Variants in ZNF44 observed in about 807,000 individuals in gnomAD.
ZNF44 encodes zinc finger protein 44, also known as gonadotropin inducible transcription repressor-2.
Under a neutral mutation model 11.7 loss-of-function variants are expected in ZNF44, and 9 were observed. The ratio of observed to expected loss-of-function variants is 0.77; its 90% CI spans 0.46 to 1.35. The LOEUF (loss-of-function observed/expected upper bound fraction) is 1.35. ZNF44 is among the 40% of genes most tolerant of loss of function. The pLI, the probability that ZNF44 is intolerant of heterozygous loss-of-function variation, is 0.00. For missense variants in ZNF44, 696 were observed against 743.1 expected, an observed-to-expected ratio of 0.94 and a Z score of 0.74; for synonymous variants, 224 against 242.7, an observed-to-expected ratio of 0.92 and a Z score of 0.72.
intron 1 of ZNF44, 106 bp downstream of exon 1, chr19:12,294,586 G>A (rs1314505758): frequency 4.1e-6 from 6 of 1,467,324 alleles, no homozygotes; most frequent in Non-Finnish European, 5.5e-6. Flanking sequence ...TCAGGTCCCA[G>A]ACCCCAAAGA....
chr19:12,273,861 C>T lies in ZNF44; in HGVS notation c.394G>A (p.Glu132Lys), dbSNP rs933824168. 1.7e-5 allele frequency: 27 copies of T among 1,614,028 alleles called. No individual in the cohort carries two copies. The African/African-American group carries it at 2.8e-4, about 17-fold the overall frequency. Residue 132 changes from glutamate to lysine, a missense_variant, in exon 4 of 4, where the codon GAG becomes AAG. Glu to Lys is a moderately conservative substitution (Grantham distance 56). Transcript: ENST00000355684. Reference sequence around the variant, plus strand: ...GACTTCTCTGCATATTCATGACACTCCCGGTGTTTGTGTCCAGTATCAACT... The same window carrying T: ...GACTTCTCTGCATATTCATGACACTTCCGGTGTTTGTGTCCAGTATCAACT... ...IRVDTGHKHR[E>K]CHEYAEKSYT...
At chr19:12,275,180 C>A in intron 2 of ZNF44, 147 bp from the exon 3 acceptor site, 1 of 497,796 alleles carries the variant, frequency 2.0e-6, no homozygotes, top group Non-Finnish European at 3.4e-6. Flanking sequence ...CTGCACAAGT[C>A]CATTTATATA....
At chr19:12,252,065 AAC>A (rs1555736786) in intron 5 of ZNF44, among the ~76,000 whole-genome samples, 3 of 152,076 alleles carry the variant, frequency 2.0e-5, no homozygotes, top group Admixed American at 1.3e-4. Flanking sequence ...AAAAAAAAAA[AAC>A]AGATTTGCAA....
downstream of ZNF44, among the ~76,000 whole-genome samples, chr19:12,270,426 A>G (rs992947780): frequency 2.0e-5 from 3 of 151,648 alleles, no homozygotes; most frequent in African/African-American, 7.3e-5. Flanking sequence ...CATCAAGCAG[A>G]TTAAGGCAAT....
intron 1 of ZNF44, among the ~76,000 whole-genome samples, chr19:12,278,987 C>A (rs923406287): frequency 1.3e-5 from 2 of 152,110 alleles, no homozygotes; most frequent in African/African-American, 4.8e-5. Context: ...TCAAAGAATG[C>A]CCCAGCAGAG....
downstream of ZNF44, chr19:12,242,918 A>C (rs966273283): frequency 1.3e-5 from 2 of 152,170 alleles, no homozygotes; most frequent in Admixed American, 1.3e-4. Context: ...GCCTGGTATA[A>C]AATATGCACT....
intron 5 of ZNF44, among the ~76,000 whole-genome samples, chr19:12,263,018 C>T (rs1015236337): frequency 6.6e-6 from 1 of 152,248 alleles, no homozygotes; most frequent in Admixed American, 6.5e-5. Context: ...GGTGTAACAC[C>T]TAGAGTAGTT....
rs372194020 is a variant in ZNF44, at chr19:12,248,896, CT to C, written c.*187-219del. The stretch of plus-strand genomic sequence containing the variant: ...CAGTGATTTTCATATATGGGTTTCT[CT>C]TTTTTTTTTTTTTTGAGACGGAGTC... On this transcript the variant is annotated intron_variant and NMD_transcript_variant, in intron 7 of 7. Transcript: ENST00000393337. Among the ~76,000 whole-genome samples the C allele has an allele frequency of 3.8e-3, 528 of 138,570 alleles. 2 individuals are homozygous for C. Among genetic ancestry groups the C allele is most frequent in the East Asian group, 0.016 (76 of 4,694 alleles). 90.9% of individuals were successfully genotyped at this position (138,570 alleles called of 152,430 possible). A position where few individuals can be genotyped will look rare whatever the true frequency, so the allele number is the denominator to read the frequency against.
intron 1 of ZNF44, among the ~76,000 whole-genome samples, chr19:12,285,888 G>A (rs2459033): frequency 0.21 from 31,481 of 151,610 alleles, 4,269 homozygotes; most frequent in African/African-American, 0.39. Context: ...GCGTGGTGGC[G>A]GGCGCCTGTA....
chr19:12,232,827 G>A (rs1464221343), intron 2 of ZNF44, among the ~76,000 whole-genome samples: 1 of 152,056 alleles, frequency 6.6e-6, no homozygotes, highest in African/African-American at 2.4e-5. Flanking sequence ...AACATCTGAG[G>A]GCTGTCCAAG....
At chr19:12,227,198 T>G (rs1003880041) in intron 3 of ZNF44, among the ~76,000 whole-genome samples, 5 of 152,260 alleles carry the variant, frequency 3.3e-5, no homozygotes, top group Non-Finnish European at 7.3e-5. Flanking sequence ...ATATCACAAT[T>G]TTCAGAAACT....
At chr19:12,249,693 C>T (rs1916916491) in intron 7 of ZNF44, among the ~76,000 whole-genome samples, 1 of 152,032 alleles carries the variant, frequency 6.6e-6, no homozygotes, top group South Asian at 2.1e-4. Context: ...GCTGGGATTA[C>T]AGGCATGTGC....
upstream of ZNF44, among the ~76,000 whole-genome samples, chr19:12,238,758 T>C (rs756954679): frequency 3.9e-5 from 6 of 152,128 alleles, no homozygotes; most frequent in Non-Finnish European, 8.8e-5. Context: ...ATCGTGCCAC[T>C]GCACTCCAGC....
At chr19:12,265,486 C>T (rs985081857) in intron 5 of ZNF44, among the ~76,000 whole-genome samples, 1 of 152,194 alleles carries the variant, frequency 6.6e-6, no homozygotes, top group African/African-American at 2.4e-5. Context: ...CCTTCACGCT[C>T]TAGTGATTGA....
intron 3 of ZNF44, among the ~76,000 whole-genome samples, chr19:12,226,936 A>T (rs1390697146): frequency 6.6e-6 from 1 of 151,592 alleles, no homozygotes; most frequent in Non-Finnish European, 1.5e-5. Context: ...TGTGGTGGCG[A>T]ACGCCTGTAA....
At chr19:12,233,860 G>A (rs1158080142) in intron 2 of ZNF44, among the ~76,000 whole-genome samples, 1 of 151,984 alleles carries the variant, frequency 6.6e-6, no homozygotes, top group African/African-American at 2.4e-5. Context: ...TCAGGAGTTC[G>A]AGACCAGCCT....
intron 1 of ZNF44, chr19:12,284,730 T>C: frequency 1.3e-6 from 1 of 746,686 alleles, no homozygotes; most frequent in Non-Finnish European, 2.3e-6. Flanking sequence ...GGGAGTTAAG[T>C]GCTCCAAGGA....
In ZNF44 at chr19:12,272,508, T is replaced by C. The variant is rs1966990962; in HGVS notation, c.1747A>G (p.Thr583Ala). The C allele has an allele frequency of 6.2e-7, 1 of 1,613,280 alleles. No individual in the cohort carries two copies. The highest frequency in any genetic ancestry group is 8.5e-7 in the Non-Finnish European group (1 of 1,179,768). Residue 583 changes from threonine (T) to alanine (A), a missense_variant, in exon 4 of 4, where the codon ACT (threonine) becomes GCT (alanine). Physicochemically the swap from Thr to Ala is moderately conservative, Grantham distance 58. Transcript: ENST00000355684. Reference sequence around the variant, plus strand: ...TTACATTCATAGGGCTTCTCTCCAGTGTGAGTTCTTTCATGTTCTCGACAG... The same window carrying C: ...TTACATTCATAGGGCTTCTCTCCAGCGTGAGTTCTTTCATGTTCTCGACAG... ...SFCREHERTHTGEKPYECKEC... is the reference protein window; with the variant it reads ...SFCREHERTHAGEKPYECKEC...
chr19:12,228,949 G>GATTAATAAATGCAAACA (rs1346992137), intron 3 of ZNF44, among the ~76,000 whole-genome samples: 6 of 152,160 alleles, frequency 3.9e-5, no homozygotes, highest in African/African-American at 1.4e-4. Context: ...GAAATTGCTT[G>GATTAATAAATGCAAACA]ATTAATAAAT....
Sources: allele counts gnomAD v4.1 joint callset (sites outside exome capture counted in the v4.1 genomes callset), GRCh38; gene constraint gnomAD v4.1.1; transcripts MANE v1.5; gene names NCBI Gene and HGNC (gene_info 2026-07-23, HGNC 2026-07-21).